Variants in JAK1 observed in about 807,000 individuals in gnomAD.
The protein encoded by JAK1 is Janus kinase 1, also known as tyrosine-protein kinase JAK1.
JAK1 carries 16 observed loss-of-function variants against 136.6 expected under a neutral mutation model. The ratio of observed to expected loss-of-function variants is 0.12; its 90% CI spans 0.08 to 0.18. JAK1 has a LOEUF of 0.18. JAK1 is among the 10% of genes least tolerant of loss of function. The probability of loss-of-function intolerance (pLI) is 1.00; values close to 1 mark genes in which losing one functional copy is unlikely to be tolerated. For missense variants in JAK1, 859 were observed against 1,450.1 expected, an observed-to-expected ratio of 0.59 and a Z score of 6.62; for synonymous variants, 492 against 519.5, an observed-to-expected ratio of 0.95 and a Z score of 0.72.
chr1:64,985,951 T>G, intron 2 of JAK1: 1 of 1,055,020 alleles, frequency 9.5e-7, no homozygotes, highest in Non-Finnish European at 1.4e-6. Flanking sequence ...GTATTTGCCT[T>G]GTCCTTCAAA....
At chr1:65,055,598 G>T (rs1647495892) in intron 1 of JAK1, among the ~76,000 whole-genome samples, 1 of 152,182 alleles carries the variant, frequency 6.6e-6, no homozygotes, top group African/African-American at 2.4e-5. Flanking sequence ...ACTGAAAAAT[G>T]TAACGAATAT....
chr1:64,978,417 A>G (rs1646515405), intron 2 of JAK1, among the ~76,000 whole-genome samples: 1 of 152,234 alleles, frequency 6.6e-6, no homozygotes, highest in Non-Finnish European at 1.5e-5. Context: ...AAAACACTTA[A>G]CATACAGAGC....
chr1:64,982,603 T>C (rs1646558817), intron 2 of JAK1, among the ~76,000 whole-genome samples: 2 of 152,194 alleles, frequency 1.3e-5, no homozygotes, highest in South Asian at 4.1e-4. Flanking sequence ...AGTCCCTTAA[T>C]GACACCAAGT....
At chr1:64,996,026 A>T (rs935716428) in intron 2 of JAK1, among the ~76,000 whole-genome samples, 1 of 152,158 alleles carries the variant, frequency 6.6e-6, no homozygotes, top group Non-Finnish European at 1.5e-5. Flanking sequence ...TATAGGCCTG[A>T]GCCACTGCGC....
At chr1:64,864,058 CG>C (rs760823270) in intron 8 of JAK1, among the ~76,000 whole-genome samples, 1 of 152,178 alleles carries the variant, frequency 6.6e-6, no homozygotes, top group Non-Finnish European at 1.5e-5. Flanking sequence ...TGCCCTAAAC[CG>C]TATCACCAGG....
At position 64,931,693 on chromosome 1, in the gene JAK1, T is replaced by C. The variant is rs552416376; in HGVS notation, c.-78+34640A>G. The stretch of plus-strand genomic sequence containing the variant: ...TCCCTCTCTCCTACTCTCCCATCTC[T>C]GCCTATCAAAACTCTGTTCTTTAAT... On this transcript the variant is annotated intron_variant, in intron 1 of 24. Transcript: ENST00000342505. Among the ~76,000 whole-genome samples, 183 of 152,270 alleles carry C rather than the reference T, an allele frequency of 1.2e-3. 8 individuals carry two copies. Among genetic ancestry groups the C allele is most frequent in the Non-Finnish European group, 1.1e-3 (72 of 68,012 alleles).
intron 1 of JAK1, among the ~76,000 whole-genome samples, chr1:64,916,762 G>A (rs1041639522): frequency 4.6e-5 from 7 of 151,778 alleles, no homozygotes; most frequent in South Asian, 2.1e-4. Context: ...CGCTTGAACC[G>A]GGAGGCAGAG....
chr1:65,000,267 T>G (rs1646742930), intron 2 of JAK1, among the ~76,000 whole-genome samples: 1 of 152,144 alleles, frequency 6.6e-6, no homozygotes, highest in African/African-American at 2.4e-5. Flanking sequence ...AAGATCATTG[T>G]AGGGCAATCC....
chr1:64,869,569 C>T, intron 5 of JAK1, 95 bp from the exon 6 acceptor site: 1 of 934,124 alleles, frequency 1.1e-6, no homozygotes, highest in Non-Finnish European at 1.7e-6. Flanking sequence ...AAACGCAGCA[C>T]AGCAACGAGA....
chr1:64,915,035 C>T (rs1191221818), intron 1 of JAK1, among the ~76,000 whole-genome samples: 1 of 152,056 alleles, frequency 6.6e-6, no homozygotes, highest in Admixed American at 6.6e-5. Context: ...GCTATGTGAC[C>T]TTGAGTCAAT....
chr1:65,039,199 G>C (rs942016436), intron 2 of JAK1, among the ~76,000 whole-genome samples: 1 of 152,184 alleles, frequency 6.6e-6, no homozygotes, highest in East Asian at 1.9e-4. Flanking sequence ...AGGGGGCCAG[G>C]TGTGCCACCA....
chr1:64,852,874 G>A (rs1655689116), intron 11 of JAK1, among the ~76,000 whole-genome samples: 1 of 152,132 alleles, frequency 6.6e-6, no homozygotes, highest in African/African-American at 2.4e-5. Context: ...ATTATGACTG[G>A]CATTACATCT....
rs751598189 is a variant in JAK1, at chr1:65,014,330, AAGG to A, written c.-78+30147_-78+30149del. On this transcript the variant is annotated intron_variant, in intron 2 of 25. Transcript: ENST00000671954. ...AGAGGCCAAACAAATCCCAGGAAGA[AAGG>A]TGGGCAGGAGAGAAGGAGAAGAAGA... Among the ~76,000 whole-genome samples the A allele has an allele frequency of 5.9e-5, 9 of 151,940 alleles. 1 individual carries two copies. Among genetic ancestry groups the A allele is most frequent in the African/African-American group, 1.4e-4 (6 of 41,442 alleles).
rs148733253 is a variant in JAK1 at position 65,057,482 on chromosome 1, A to G, written c.-181+10122T>C. On this transcript the variant is annotated intron_variant, in intron 1 of 25. Transcript: ENST00000671954. ...TTGGGAGGCTGAGGTGGGAGAATCA[A>G]TTAAGCTCAGGAGGTCAAGACCAGC... 5.8e-3 allele frequency among the ~76,000 whole-genome samples: 883 copies of G among 152,236 alleles called. 5 individuals carry two copies. The highest frequency in any genetic ancestry group is 0.02 in the African/African-American group (836 of 41,544).
At chr1:64,944,355 T>C (rs1333931495) in intron 1 of JAK1, among the ~76,000 whole-genome samples, 3 of 152,182 alleles carry the variant, frequency 2.0e-5, no homozygotes, top group Admixed American at 6.5e-5. Context: ...TTGAGTATGA[T>C]GACAGTGGTA....
At chr1:64,943,610 TAA>T (rs962903310) in intron 1 of JAK1, among the ~76,000 whole-genome samples, 10 of 152,044 alleles carry the variant, frequency 6.6e-5, no homozygotes, top group African/African-American at 2.4e-4. Flanking sequence ...TACCAAATAT[TAA>T]GTCTAAGAGT....
intron 1 of JAK1, among the ~76,000 whole-genome samples, chr1:64,904,486 C>T (rs1237542420): frequency 2.6e-5 from 4 of 152,058 alleles, no homozygotes; most frequent in East Asian, 1.9e-4. Context: ...GCTCTTAAGC[C>T]TTTCATAGTT....
chr1:64,949,260 C>A (rs1217251267), intron 1 of JAK1, among the ~76,000 whole-genome samples: 4 of 152,184 alleles, frequency 2.6e-5, no homozygotes, highest in African/African-American at 9.7e-5. Context: ...CATTTCCCAA[C>A]TAACAAAAAG....
At chr1:65,039,463 A>G (rs1428161624) in intron 2 of JAK1, among the ~76,000 whole-genome samples, 1 of 152,168 alleles carries the variant, frequency 6.6e-6, no homozygotes, top group Non-Finnish European at 1.5e-5. Flanking sequence ...TAAGAAACAG[A>G]TTTATCTTCA....
Sources: allele counts gnomAD v4.1 joint callset (sites outside exome capture counted in the v4.1 genomes callset), GRCh38; gene constraint gnomAD v4.1.1; transcripts MANE v1.5; gene names NCBI Gene and HGNC (gene_info 2026-07-23, HGNC 2026-07-21).